Variants in INAVA observed in about 807,000 individuals in gnomAD.
INAVA encodes the protein innate immunity activator protein.
A neutral mutation model predicts 55.3 loss-of-function variants in INAVA; 32 were observed. The observed-to-expected ratio is 0.58, with a 90% confidence interval of 0.44 to 0.78. The LOEUF (loss-of-function observed/expected upper bound fraction) is 0.78. Among genes scored for constraint, INAVA ranks in the 30% least tolerant of loss-of-function variants. INAVA has a pLI of 0.00. For missense variants in INAVA, 756 were observed against 786.4 expected (o/e 0.96, Z 0.46); for synonymous variants, 294 against 329.4 (o/e 0.89, Z 1.16).
upstream of INAVA, among the ~76,000 whole-genome samples, chr1:200,893,429 A>G (rs885197): frequency 0.39 from 59,681 of 152,008 alleles, 12,117 homozygotes; most frequent in South Asian, 0.48. Flanking sequence ...GGAGCTGGAG[A>G]TGGGCAAGGT....
chr1:200,909,347 C>T lies in INAVA; in HGVS notation c.909C>T (p.Ala303=). 1.2e-6 allele frequency: 2 copies of T among 1,610,110 alleles called. No individual in the cohort carries two copies. Among genetic ancestry groups the T allele is most frequent in the Non-Finnish European group, 1.7e-6 (2 of 1,177,994 alleles). The part of the protein sequence containing the change: ...VPGQWQGRTS[A]PATPEIQGRR... ...GCCAGTGGCAGGGCCGCACCAGTGC[C>T]CCAGCCACCCCTGAGATACAGGGGA... is the stretch of plus-strand genomic sequence containing the variant. The change falls in exon 8 of 10, where the codon GCC becomes GCT. Residue 303 remains alanine, a synonymous_variant. Coordinates refer to ENST00000413687, the MANE Select transcript of INAVA (RefSeq NM_001142569.3).
intron 5 of INAVA, among the ~76,000 whole-genome samples, chr1:200,904,592 G>GTGAGTAAAATCTCCACCGTTAC (rs1207039194): frequency 1.3e-5 from 2 of 152,336 alleles, no homozygotes; most frequent in Non-Finnish European, 1.5e-5. Flanking sequence ...CTCAGCATTT[G>GTGAGTAAAATCTCCACCGTTAC]TGAGTAAAAT....
At chr1:200,894,333 G>A (rs1668296556), upstream of INAVA, among the ~76,000 whole-genome samples, 1 of 152,106 alleles carries the variant, frequency 6.6e-6, no homozygotes, top group Admixed American at 6.5e-5. Flanking sequence ...GACAATGTCT[G>A]GGATAAAAAG....
intron 6 of INAVA, 119 bp from the exon 7 acceptor site, chr1:200,908,611 C>T (rs1490932383): frequency 1.2e-6 from 1 of 832,936 alleles, no homozygotes; most frequent in Non-Finnish European, 1.9e-6. Flanking sequence ...TGGCCTGCAG[C>T]AGCTGCACAA....
chr1:200,892,348 C>T (rs1025577416), upstream of INAVA, among the ~76,000 whole-genome samples: 4 of 152,098 alleles, frequency 2.6e-5, no homozygotes, highest in Middle Eastern at 6.8e-3. Flanking sequence ...GATGGTAGGA[C>T]GAGGCCCTTG....
intron 5 of INAVA, among the ~76,000 whole-genome samples, chr1:200,904,686 G>A (rs932412066): frequency 2.0e-5 from 3 of 151,952 alleles, no homozygotes; most frequent in Admixed American, 2.0e-4. Context: ...GGTTGGGACA[G>A]TTGCTGAGAT....
At chr1:200,900,276 GACGCCAC>G in intron 4 of INAVA, 56 bp downstream of exon 4, 4 of 1,475,688 alleles carry the variant, frequency 2.7e-6, no homozygotes, top group Non-Finnish European at 3.8e-6. Flanking sequence ...TGATCACTGA[GACGCCAC>G]ACCTCAGCTC....
intron 1 of INAVA, among the ~76,000 whole-genome samples, chr1:200,897,378 G>C (rs1033056554): frequency 3.9e-5 from 6 of 152,206 alleles, no homozygotes; most frequent in African/African-American, 1.4e-4. Flanking sequence ...CTTGAAAGTT[G>C]TTTGAGGGCT....
At chr1:200,891,771 G>T (rs1301949825), upstream of INAVA, 2 of 1,207,092 alleles carry the variant, frequency 1.7e-6, no homozygotes, top group South Asian at 1.7e-5. Context: ...CTGAACCCAC[G>T]GTCTTCAGCC....
At position 200,908,857 on chromosome 1, in the gene INAVA, C is replaced by G; in HGVS notation, c.702C>G (p.Val234=). 1 of 1,614,010 alleles carries G rather than the reference C, an allele frequency of 6.2e-7. No homozygotes were observed. The highest frequency in any genetic ancestry group is 8.5e-7 in the Non-Finnish European group (1 of 1,179,978). The stretch of plus-strand genomic sequence containing the variant: ...CTGGGAGCCCAGAACGGGCTCCAGT[C>G]CAGAACAGCCCCTGGAAGGAAACCA... The part of the protein sequence containing the change: ...PEAGSPERAP[V]QNSPWKETSL... Residue 234 remains valine, a synonymous_variant, in exon 7 of 10, where the codon GTC becomes GTG. Coordinates refer to ENST00000413687, the MANE Select transcript of INAVA (RefSeq NM_001142569.3).
At position 200,899,497 on chromosome 1, in the gene INAVA, T is replaced by G. The variant is rs759511243; in HGVS notation, c.80T>G (p.Met27Arg). 3.1e-6 allele frequency: 5 copies of G among 1,613,888 alleles called. No homozygotes were observed. The South Asian group carries it at 5.5e-5, about 18-fold the overall frequency. ...GGCCCCGACAGCCCGGTCTCCCCAA[T>G]GAAGGAGCTGACCCATGCAGTGCAC... ...QSGPDSPVSPMKELTHAVHKQ... is the reference protein window; with the variant it reads ...QSGPDSPVSPRKELTHAVHKQ... The change falls in exon 3 of 10, where the codon ATG (methionine) becomes AGG (arginine). Residue 27 changes from methionine to arginine, a missense_variant. Met to Arg is a moderately conservative substitution (Grantham distance 91). This residue lies in a region of INAVA where 639 missense variants were observed against 624.3 expected (regional missense o/e 1.02). Transcript: ENST00000413687.
intron 5 of INAVA, among the ~76,000 whole-genome samples, chr1:200,907,500 AT>A (rs891411857): frequency 2.0e-5 from 3 of 152,008 alleles, no homozygotes; most frequent in South Asian, 2.1e-4. Context: ...TACAAAAAAA[AT>A]AAAATAATTT....
chr1:200,912,561 C>G (rs1653797796), intron 9 of INAVA, among the ~76,000 whole-genome samples: 1 of 152,158 alleles, frequency 6.6e-6, no homozygotes, highest in South Asian at 2.1e-4. Context: ...CTGTGATTTT[C>G]TGGGCATCAG....
rs1653612261 is a variant in INAVA at position 200,909,119 on chromosome 1, T to G, written c.786-105T>G. 6 of 1,383,692 alleles carry G rather than the reference T, an allele frequency of 4.3e-6. No homozygotes were observed. The South Asian group carries it at 8.9e-5, about 21-fold the overall frequency. 85.7% of individuals were successfully genotyped at this position (1,383,692 alleles called of 1,614,324 possible). ...CCCCAAGGGTGCTGGCAGTTTGCCC[T>G]ACTAACTTTGGGAGCCCCTTCCACT... On this transcript the variant is annotated intron_variant, in intron 7 of 9. Coordinates refer to ENST00000413687, the MANE Select transcript of INAVA (RefSeq NM_001142569.3).
At position 200,894,959 on chromosome 1, in the gene INAVA, GCTC is replaced by G; in HGVS notation, c.-221_-219del. 2.0e-6 allele frequency: 2 copies of G among 985,786 alleles called. No homozygotes were observed. The highest frequency in any genetic ancestry group is 2.4e-6 in the Non-Finnish European group (2 of 830,142). 61.1% of individuals were successfully genotyped at this position (985,786 alleles called of 1,614,324 possible). On this transcript the variant is annotated 5_prime_UTR_variant, in exon 1 of 10. Coordinates refer to ENST00000413687, the MANE Select transcript of INAVA (RefSeq NM_001142569.3). Reference sequence around the variant, plus strand: ...AGCCGAGACGGACGGACGGCCAGCAGCTCCGTCAGCTGGAGAGAGAGCACAGGC... The same window carrying G: ...AGCCGAGACGGACGGACGGCCAGCAGCGTCAGCTGGAGAGAGAGCACAGGC...
At chr1:200,907,273 G>A (rs1653532071) in intron 5 of INAVA, among the ~76,000 whole-genome samples, 1 of 152,082 alleles carries the variant, frequency 6.6e-6, no homozygotes, top group Non-Finnish European at 1.5e-5. Context: ...GTTTATTCAA[G>A]GTTGCATAGC....
Position 200,898,379 on chromosome 1 carries a change from C to T in INAVA, c.-22C>T. 6.2e-7 allele frequency: 1 copy of T among 1,614,168 alleles called. No individual in the cohort carries two copies. Among genetic ancestry groups the T allele is most frequent in the Non-Finnish European group, 8.5e-7 (1 of 1,180,020 alleles). Reference sequence around the variant, plus strand: ...GGTGTCCCCCCTCCCTGCTCTGTGCCCTCTCCTTCCAGAAATCCACCATGG... The same window carrying T: ...GGTGTCCCCCCTCCCTGCTCTGTGCTCTCTCCTTCCAGAAATCCACCATGG... On this transcript the variant is annotated 5_prime_UTR_variant, in exon 2 of 10. Coordinates refer to ENST00000413687, the MANE Select transcript of INAVA (RefSeq NM_001142569.3).
chr1:200,905,201 CCGTATGTCCTAGA>C (rs1653432363), intron 5 of INAVA, among the ~76,000 whole-genome samples: 1 of 152,146 alleles, frequency 6.6e-6, no homozygotes, highest in Non-Finnish European at 1.5e-5. Flanking sequence ...GCTCCTGGTA[CCGTATGTCCTAGA>C]AATCTACTGC....
intron 9 of INAVA, among the ~76,000 whole-genome samples, chr1:200,912,686 C>G (rs752269963): frequency 6.6e-6 from 1 of 152,192 alleles, no homozygotes; most frequent in African/African-American, 2.4e-5. Flanking sequence ...CTGCCACTTA[C>G]GAGCTGTATG....
Sources: allele counts gnomAD v4.1 joint callset (sites outside exome capture counted in the v4.1 genomes callset), GRCh38; gene constraint gnomAD v4.1.1; regional missense constraint gnomAD v4.1.1; transcripts MANE v1.5; gene names NCBI Gene and HGNC (gene_info 2026-07-23, HGNC 2026-07-21).